KCNN2: variants seen among roughly 807,000 people sequenced by gnomAD.
The protein encoded by KCNN2 is potassium calcium-activated channel subfamily N member 2.
A neutral mutation model predicts 55.5 loss-of-function variants in KCNN2; 24 were observed. The ratio of observed to expected loss-of-function variants is 0.43; its 90% CI spans 0.31 to 0.61. The LOEUF (loss-of-function observed/expected upper bound fraction) is 0.61, where lower values mean the gene tolerates loss of function less well. KCNN2 is among the 20% of genes least tolerant of loss of function. The pLI is 0.08. For missense variants in KCNN2, 754 were observed against 853.6 expected, an observed-to-expected ratio of 0.88 and a Z score of 1.45; for synonymous variants, 431 against 336.1, an observed-to-expected ratio of 1.28 and a Z score of -3.09.
intron 1 of KCNN2, among the ~76,000 whole-genome samples, chr5:114,215,283 C>A (rs528761563): frequency 2.0e-5 from 3 of 152,080 alleles, no homozygotes; most frequent in Non-Finnish European, 4.4e-5. Context: ...TCACTTTTAT[C>A]TTTTCTGCCA....
intron 4 of KCNN2, among the ~76,000 whole-genome samples, chr5:114,471,607 C>G (rs1761749955): frequency 6.6e-6 from 1 of 152,114 alleles, no homozygotes; most frequent in Non-Finnish European, 1.5e-5. Flanking sequence ...ACTGAATAAT[C>G]ATTTACTCTG....
chr5:114,366,022 G>T (rs1480279474), intron 2 of KCNN2, among the ~76,000 whole-genome samples: 1 of 152,168 alleles, frequency 6.6e-6, no homozygotes, highest in African/African-American at 2.4e-5. Context: ...TAATTCATAG[G>T]AGTCTAAGAG....
chr5:114,451,645 C>G (rs1224484596), intron 3 of KCNN2, among the ~76,000 whole-genome samples: 1 of 151,902 alleles, frequency 6.6e-6, no homozygotes, highest in African/African-American at 2.4e-5. Context: ...GCCTGTAATC[C>G]CAGCACTTTG....
intron 1 of KCNN2, among the ~76,000 whole-genome samples, chr5:114,198,973 T>C (rs1016117570): frequency 6.6e-6 from 1 of 152,106 alleles, no homozygotes; most frequent in African/African-American, 2.4e-5. Context: ...GTAAGTTCAA[T>C]GTTTCTTTGT....
chr5:114,243,751 G>A (rs550635510), intron 2 of KCNN2, among the ~76,000 whole-genome samples: 1 of 152,208 alleles, frequency 6.6e-6, no homozygotes, highest in African/African-American at 2.4e-5. Context: ...TTTGGTATGT[G>A]GTTTTAGTCA....
At chr5:114,307,930 C>G (rs1300012205) in intron 2 of KCNN2, among the ~76,000 whole-genome samples, 1 of 152,034 alleles carries the variant, frequency 6.6e-6, no homozygotes, top group Admixed American at 6.6e-5. Flanking sequence ...TGATTCCTCC[C>G]CATACCCCAA....
chr5:114,113,434 A>G (rs78735132), intron 1 of KCNN2, among the ~76,000 whole-genome samples: 4,502 of 152,108 alleles, frequency 0.03, 231 homozygotes, highest in African/African-American at 0.1. Flanking sequence ...AGGGGAGGAG[A>G]AAAACTTTTT....
At chr5:114,368,591 A>G (rs1215249730) in intron 2 of KCNN2, among the ~76,000 whole-genome samples, 2 of 152,210 alleles carry the variant, frequency 1.3e-5, no homozygotes, top group African/African-American at 4.8e-5. Context: ...ACAGAGAGCA[A>G]ACAGGTGTTT....
At chr5:114,316,327 A>G (rs896052966) in intron 2 of KCNN2, among the ~76,000 whole-genome samples, 8 of 152,188 alleles carry the variant, frequency 5.3e-5, no homozygotes, top group African/African-American at 9.7e-5. Flanking sequence ...CTTAGAATCA[A>G]AGGTCACTGG....
chr5:114,196,037 G>T (rs538591206), intron 1 of KCNN2, among the ~76,000 whole-genome samples: 48 of 151,966 alleles, frequency 3.2e-4, no homozygotes, highest in Non-Finnish European at 6.2e-4. Context: ...AGTACCATTT[G>T]TTGAAAAGAC....
chr5:114,099,615 T>A (rs1751334098), intron 1 of KCNN2, among the ~76,000 whole-genome samples: 1 of 152,170 alleles, frequency 6.6e-6, no homozygotes, highest in South Asian at 2.1e-4. Context: ...TAGCTGGGAC[T>A]ACAGGCACAT....
At chr5:114,346,543 A>G (rs1199621900) in intron 2 of KCNN2, among the ~76,000 whole-genome samples, 1 of 152,158 alleles carries the variant, frequency 6.6e-6, no homozygotes. Context: ...TAATACAGCA[A>G]AACTGAACTC....
intron 1 of KCNN2, among the ~76,000 whole-genome samples, chr5:114,208,345 A>AT (rs1753814863): frequency 6.6e-6 from 1 of 152,082 alleles, no homozygotes; most frequent in African/African-American, 2.4e-5. Flanking sequence ...AGATGATTTT[A>AT]TTTTTAACTT....
intron 5 of KCNN2, among the ~76,000 whole-genome samples, chr5:114,473,681 G>T (rs1229720632): frequency 6.6e-6 from 1 of 152,082 alleles, no homozygotes; most frequent in Non-Finnish European, 1.5e-5. Context: ...CCATCCAGTT[G>T]GGCAATCGCT....
chr5:114,308,562 A>T (rs2900083), intron 2 of KCNN2, among the ~76,000 whole-genome samples: 100 of 152,320 alleles, frequency 6.6e-4, no homozygotes, highest in African/African-American at 2.3e-3. Flanking sequence ...ACACCTCAGT[A>T]TCAGAGAACC....
intron 1 of KCNN2, among the ~76,000 whole-genome samples, chr5:114,169,347 A>T (rs1752983070): frequency 6.6e-6 from 1 of 152,138 alleles, no homozygotes; most frequent in Admixed American, 6.6e-5. Flanking sequence ...ATTGGAGGGA[A>T]GTCTGTAGCT....
At chr5:114,475,722 C>T (rs889212341) in intron 5 of KCNN2, among the ~76,000 whole-genome samples, 1 of 151,976 alleles carries the variant, frequency 6.6e-6, no homozygotes, top group Non-Finnish European at 1.5e-5. Flanking sequence ...TGCTTGTGCT[C>T]ATGGGTCCCC....
intron 2 of KCNN2, among the ~76,000 whole-genome samples, chr5:114,387,335 A>G (rs1284681795): frequency 6.6e-6 from 1 of 152,168 alleles, no homozygotes; most frequent in Non-Finnish European, 1.5e-5. Flanking sequence ...AGTAACTATT[A>G]ATGTAACAAC....
chr5:114,175,733 CTA>C (rs1174114106), intron 1 of KCNN2, among the ~76,000 whole-genome samples: 3 of 152,138 alleles, frequency 2.0e-5, no homozygotes, highest in Non-Finnish European at 4.4e-5. Context: ...GAAATTAAAT[CTA>C]TGAAATATTT....
Sources: gnomAD v4.1 joint callset for allele counts (sites outside exome capture counted in the v4.1 genomes callset) on GRCh38, gnomAD v4.1.1 for gene constraint, MANE v1.5 for transcripts, NCBI Gene and HGNC (gene_info 2026-07-23, HGNC 2026-07-21) for gene names.